The following RALYL variants were observed in gnomAD, a reference collection of about 807,000 sequenced individuals.
RALYL encodes RALY RNA binding protein like, also known as RNA-binding Raly-like protein.
Under a neutral mutation model 35.1 loss-of-function variants are expected in RALYL, and 29 were observed. The observed-to-expected ratio is 0.83, with a 90% CI of 0.61 to 1.13. The LOEUF (loss-of-function observed/expected upper bound fraction) is 1.13, where lower values mean the gene tolerates loss of function less well. Among genes scored for constraint, RALYL ranks in the 50% most tolerant of loss-of-function variants. RALYL has a pLI of 0.00. For synonymous variants in RALYL, 120 were observed against 127.6 expected (o/e 0.94, Z 0.40); for missense variants, 359 against 360.4 (o/e 1.00, Z 0.03).
rs1185322864 is a variant in RALYL at position 84,731,135 on chromosome 8, T to C, written c.257-43444T>C. On this transcript the variant is annotated intron_variant, in intron 2 of 8. Coordinates refer to ENST00000521268, the MANE Select transcript of RALYL (RefSeq NM_173848.7). Reference sequence around the variant, plus strand: ...TTATTTACTTTTTATGATAACTCTATGCATTAGATACTATTACTATCTCTA... The same window carrying C: ...TTATTTACTTTTTATGATAACTCTACGCATTAGATACTATTACTATCTCTA... Among the ~76,000 whole-genome samples the C allele has an allele frequency of 3.9e-5, 6 of 152,238 alleles. No homozygotes were observed. In the East Asian group the frequency reaches 1.2e-3, roughly 29 times the overall value.
chr8:84,874,258 G>A (rs1054866155), intron 7 of RALYL, among the ~76,000 whole-genome samples: 1 of 152,066 alleles, frequency 6.6e-6, no homozygotes, highest in Non-Finnish European at 1.5e-5. Flanking sequence ...TAATTTGCTG[G>A]AAGAGTTCCA....
At chr8:84,704,201 G>T (rs1272060161) in intron 2 of RALYL, among the ~76,000 whole-genome samples, 1 of 152,108 alleles carries the variant, frequency 6.6e-6, no homozygotes, top group African/African-American at 2.4e-5. Context: ...AAGGTGGGCG[G>T]ATCACCTGAG....
intron 2 of RALYL, among the ~76,000 whole-genome samples, chr8:84,530,798 C>T (rs539990200): frequency 3.9e-4 from 60 of 152,190 alleles, no homozygotes; most frequent in Non-Finnish European, 6.3e-4. Context: ...TATACTGCCA[C>T]ATCTTCAATT....
At chr8:84,367,070 C>T (rs1283035247) in intron 1 of RALYL, among the ~76,000 whole-genome samples, 1 of 151,162 alleles carries the variant, frequency 6.6e-6, no homozygotes, top group Admixed American at 6.6e-5. Flanking sequence ...AAGCCACCTA[C>T]ATACTACATA....
At chr8:84,852,902 C>T (rs1836170055) in intron 5 of RALYL, among the ~76,000 whole-genome samples, 1 of 151,996 alleles carries the variant, frequency 6.6e-6, no homozygotes, top group Non-Finnish European at 1.5e-5. Flanking sequence ...ATACATAGGA[C>T]AACAACAACA....
chr8:84,772,155 C>G (rs915559101), intron 2 of RALYL, among the ~76,000 whole-genome samples: 1 of 151,936 alleles, frequency 6.6e-6, no homozygotes, highest in Non-Finnish European at 1.5e-5. Context: ...TTATATATGT[C>G]AATTGTATGC....
chr8:84,242,729 A>G (rs924647145), intron 1 of RALYL, among the ~76,000 whole-genome samples: 2 of 152,056 alleles, frequency 1.3e-5, no homozygotes, highest in African/African-American at 4.8e-5. Context: ...TTGACTCTGG[A>G]CATTAGGCTT....
chr8:84,577,262 G>A (rs1217507693), intron 2 of RALYL, among the ~76,000 whole-genome samples: 4 of 152,212 alleles, frequency 2.6e-5, no homozygotes, highest in Non-Finnish European at 5.9e-5. Flanking sequence ...CATTCACAAA[G>A]TTCAAGTAGT....
intron 6 of RALYL, chr8:84,872,533 G>C (rs1282865189): frequency 1.3e-5 from 2 of 152,018 alleles, no homozygotes; most frequent in Non-Finnish European, 1.5e-5. Flanking sequence ...ATTTATTGTT[G>C]TTTTTAACAT....
At chr8:84,329,632 C>A (rs146651625) in intron 1 of RALYL, among the ~76,000 whole-genome samples, 12 of 152,038 alleles carry the variant, frequency 7.9e-5, no homozygotes, top group Non-Finnish European at 1.5e-4. Flanking sequence ...GTCCTGCAAG[C>A]TTGAGTTTTA....
At chr8:84,834,817 G>C (rs1331756170) in intron 4 of RALYL, among the ~76,000 whole-genome samples, 4 of 152,148 alleles carry the variant, frequency 2.6e-5, no homozygotes, top group Non-Finnish European at 5.9e-5. Flanking sequence ...TCTACAGAAA[G>C]TAAATACTAT....
intron 2 of RALYL, among the ~76,000 whole-genome samples, chr8:84,742,919 A>G (rs1196315661): frequency 1.3e-5 from 2 of 152,008 alleles, no homozygotes; most frequent in Non-Finnish European, 2.9e-5. Context: ...AGCAGAAGTT[A>G]CTACTACTTA....
intron 4 of RALYL, among the ~76,000 whole-genome samples, chr8:84,842,392 C>G (rs1198665728): frequency 6.6e-6 from 1 of 152,180 alleles, no homozygotes; most frequent in East Asian, 1.9e-4. Context: ...TTCCTCGACA[C>G]ATACACCCTC....
chr8:84,407,001 C>T (rs199938664), intron 1 of RALYL, among the ~76,000 whole-genome samples: 11 of 148,660 alleles, frequency 7.4e-5, no homozygotes, highest in East Asian at 3.9e-4. Context: ...TCTCTCTCTC[C>T]CTCTCTCTCT....
At chr8:84,468,457 T>A (rs2052096590) in intron 1 of RALYL, among the ~76,000 whole-genome samples, 1 of 150,058 alleles carries the variant, frequency 6.7e-6, no homozygotes, top group Non-Finnish European at 1.5e-5. Flanking sequence ...TCTTTAAGAA[T>A]GTTGAACATT....
chr8:84,252,154 T>G (rs2131684186), intron 1 of RALYL, among the ~76,000 whole-genome samples: 1 of 152,252 alleles, frequency 6.6e-6, no homozygotes, highest in South Asian at 2.1e-4. Flanking sequence ...CAATTACATT[T>G]TGTGGTGCAC....
intron 1 of RALYL, among the ~76,000 whole-genome samples, chr8:84,483,415 T>C (rs1012237763): frequency 2.0e-5 from 3 of 152,128 alleles, no homozygotes; most frequent in African/African-American, 7.2e-5. Flanking sequence ...ACTGAAAGCC[T>C]CTGAGTACTT....
At chr8:84,898,301 G>A (rs1162375790) in intron 8 of RALYL, among the ~76,000 whole-genome samples, 1 of 152,176 alleles carries the variant, frequency 6.6e-6, no homozygotes, top group Non-Finnish European at 1.5e-5. Flanking sequence ...TGAAGTTCGA[G>A]AACCCTGAAG....
chr8:84,869,928 C>T (rs1375297392), intron 6 of RALYL, among the ~76,000 whole-genome samples: 1 of 152,088 alleles, frequency 6.6e-6, no homozygotes, highest in African/African-American at 2.4e-5. Flanking sequence ...ATTTTGTCAA[C>T]TGTATCAGAA....
Sources: allele counts gnomAD v4.1 joint callset (sites outside exome capture counted in the v4.1 genomes callset), GRCh38; gene constraint gnomAD v4.1.1; transcripts MANE v1.5; gene names NCBI Gene and HGNC (gene_info 2026-07-23, HGNC 2026-07-21).